Variants in ACACB observed in about 807,000 individuals in gnomAD.
ACACB encodes acetyl-CoA carboxylase beta, also known as acetyl-CoA carboxylase 2.
Under a neutral mutation model 278.8 loss-of-function variants are expected in ACACB, and 209 were observed. The observed-to-expected ratio is 0.75, with a 90% CI of 0.67 to 0.84. The LOEUF (loss-of-function observed/expected upper bound fraction) is 0.84, where lower values mean the gene tolerates loss of function less well. Ranked by LOEUF, ACACB falls within the 40% of genes least tolerant of loss-of-function variation. ACACB has a pLI of 0.00. For synonymous variants in ACACB, 1,174 were observed against 1,285.6 expected, an observed-to-expected ratio of 0.91 and a Z score of 1.86; for missense variants, 2,850 against 3,269.0, an observed-to-expected ratio of 0.87 and a Z score of 3.13.
rs200543599 is a variant in ACACB, at chr12:109,216,809, G to A, written c.3453G>A (p.Lys1151=). Residue 1151 remains lysine, a synonymous_variant, in exon 24 of 53, where the codon AAG becomes AAA. Transcript: ENST00000338432. ...EHHFQQAHYD[K]CVINLREQFK... is the part of the protein sequence containing the mutation. The stretch of plus-strand genomic sequence containing the variant: ...TGTCTCCCCCAGCCCACTACGACAA[G>A]TGTGTGATAAACCTCAGGGAGCAGT... 4 of 1,614,166 alleles carry A rather than the reference G, an allele frequency of 2.5e-6. No individual in the cohort carries two copies. In the Admixed American group the frequency reaches 5.0e-5, roughly 20 times the overall value.
intron 1 of ACACB, among the ~76,000 whole-genome samples, chr12:109,131,853 G>A (rs1273694336): frequency 5.3e-5 from 8 of 152,168 alleles, no homozygotes; most frequent in Non-Finnish European, 8.8e-5. Context: ...GGCCTTCCCT[G>A]CTCATGGAAT....
At chr12:109,193,529 T>A (rs776864639) in intron 15 of ACACB, 119 bp from the exon 16 acceptor site, 26 of 805,212 alleles carry the variant, frequency 3.2e-5, no homozygotes, top group Non-Finnish European at 5.2e-5. Context: ...AGGCTTAGCA[T>A]TTTTAGTGCA....
chr12:109,237,351 A>G lies in ACACB; in HGVS notation c.4633A>G (p.Ile1545Val). The change falls in exon 34 of 53, where the codon ATC becomes GTC. Residue 1545 changes from isoleucine (I) to valine (V), a missense_variant. Coordinates refer to ENST00000338432, the MANE Select transcript of ACACB (RefSeq NM_001093.4). The part of the protein sequence containing the change: ...VTDHRFFIRA[I>V]IRHSDLITKE... ...GGACCATAGGTTCTTCATCCGCGCC[A>G]TCATCAGGCACTCTGACCTGATCAC... The G allele has an allele frequency of 6.2e-7, 1 of 1,614,192 alleles. No individual in the cohort carries two copies. The highest frequency in any genetic ancestry group is 8.5e-7 in the Non-Finnish European group (1 of 1,180,030).
At position 109,192,024 on chromosome 12, in the gene ACACB, T is replaced by G. The variant is rs2044910836; in HGVS notation, c.2399+74T>G. ...CTTAGGAGGCTGAATCTGTCTCCTTTATTTGTGTGGCCAGTTAGTCACCAG... is the reference window on the plus strand; with the variant it reads ...CTTAGGAGGCTGAATCTGTCTCCTTGATTTGTGTGGCCAGTTAGTCACCAG... On this transcript the variant is annotated intron_variant, in intron 15 of 52. Coordinates refer to ENST00000338432, the MANE Select transcript of ACACB (RefSeq NM_001093.4). The G allele has an allele frequency of 2.7e-6, 4 of 1,473,464 alleles. No individual in the cohort carries two copies. In the East Asian group the frequency reaches 9.1e-5, roughly 34 times the overall value. The allele number at this position is 1,473,464 out of a possible 1,614,324, so 91.3% of individuals were successfully genotyped here. A position where few individuals can be genotyped will look rare whatever the true frequency, so the allele number is the denominator to read the frequency against.
In ACACB at chr12:109,240,005, G is replaced by A; in HGVS notation, c.4818+20G>A. 6.2e-7 allele frequency: 1 copy of A among 1,608,690 alleles called. No individual in the cohort carries two copies. Among genetic ancestry groups the A allele is most frequent in the Non-Finnish European group, 8.5e-7 (1 of 1,177,092 alleles). On this transcript the variant is annotated intron_variant, in intron 35 of 52. Coordinates refer to ENST00000338432, the MANE Select transcript of ACACB (RefSeq NM_001093.4). ...TTCAAGGTCTCGCCTTTGCAGGGGGGCTCTCACCGGGCTCTGGGTTCACCC... is the reference window on the plus strand; with the variant it reads ...TTCAAGGTCTCGCCTTTGCAGGGGGACTCTCACCGGGCTCTGGGTTCACCC...
intron 44 of ACACB, among the ~76,000 whole-genome samples, chr12:109,255,656 G>A (rs1209349786): frequency 6.6e-6 from 1 of 152,198 alleles, no homozygotes; most frequent in Non-Finnish European, 1.5e-5. Flanking sequence ...ACCAATGGCT[G>A]TCATTGACAT....
intron 11 of ACACB, 134 bp downstream of exon 11, chr12:109,180,221 G>C: frequency 2.3e-6 from 2 of 858,518 alleles, no homozygotes; most frequent in Non-Finnish European, 3.5e-6. Flanking sequence ...AGCACTTTGA[G>C]AAATCTGTAA....
intron 27 of ACACB, among the ~76,000 whole-genome samples, 186 bp from the exon 28 acceptor site, chr12:109,227,185 G>A (rs1010695580): frequency 6.6e-6 from 1 of 152,046 alleles, no homozygotes; most frequent in African/African-American, 2.4e-5. Flanking sequence ...TCCTGGGTTC[G>A]AGTGACCTAC....
At chr12:109,132,060 G>A (rs1490863040) in intron 1 of ACACB, among the ~76,000 whole-genome samples, 1 of 152,162 alleles carries the variant, frequency 6.6e-6, no homozygotes, top group East Asian at 1.9e-4. Flanking sequence ...TGCAGTGGTG[G>A]GACAGTGGAA....
chr12:109,171,630 G>C (rs1325647159), intron 4 of ACACB, among the ~76,000 whole-genome samples, 175 bp from the exon 5 acceptor site: 1 of 152,200 alleles, frequency 6.6e-6, no homozygotes, highest in Non-Finnish European at 1.5e-5. Context: ...GATTACAGGC[G>C]TGAGCCACCA....
intron 17 of ACACB, among the ~76,000 whole-genome samples, chr12:109,198,878 G>A (rs568794450): frequency 2.6e-5 from 4 of 151,812 alleles, no homozygotes; most frequent in South Asian, 2.1e-4. Context: ...CTCCCACCTC[G>A]GCCTCCCAAA....
At chr12:109,203,953 TA>T (rs1009055073) in intron 19 of ACACB, among the ~76,000 whole-genome samples, 34 of 150,560 alleles carry the variant, frequency 2.3e-4, no homozygotes, top group South Asian at 1.7e-3. Flanking sequence ...ATCTGTCCAG[TA>T]AAAAAAAAAT....
At chr12:109,152,875 C>T (rs1301868319) in intron 2 of ACACB, among the ~76,000 whole-genome samples, 1 of 152,084 alleles carries the variant, frequency 6.6e-6, no homozygotes, top group African/African-American at 2.4e-5. Flanking sequence ...AACTGCTGGC[C>T]TCAAGTGATC....
intron 24 of ACACB, among the ~76,000 whole-genome samples, chr12:109,220,259 T>C (rs1463273126): frequency 6.6e-6 from 1 of 152,228 alleles, no homozygotes; most frequent in African/African-American, 2.4e-5. Context: ...GATTCATTAT[T>C]CTTCTGACTT....
At chr12:109,167,870 AGCT>A (rs776355369) in intron 3 of ACACB, 23 bp from the exon 4 acceptor site, 1 of 1,613,734 alleles carries the variant, frequency 6.2e-7, no homozygotes, top group South Asian at 1.1e-5. Flanking sequence ...GTGCATCTAC[AGCT>A]CCTTCCTTGT....
At chr12:109,151,656 T>C (rs1368270416) in intron 2 of ACACB, among the ~76,000 whole-genome samples, 4 of 152,154 alleles carry the variant, frequency 2.6e-5, no homozygotes, top group African/African-American at 2.4e-5. Flanking sequence ...GCCACATGCA[T>C]GCGGATTTTC....
Position 109,214,348 on chromosome 12 carries a change from G to A in ACACB, c.3350+1412G>A, listed in dbSNP as rs551784462. 1.4e-4 allele frequency among the ~76,000 whole-genome samples: 21 copies of A among 152,268 alleles called. No homozygotes were observed. In the South Asian group the frequency reaches 4.1e-3, roughly 30 times the overall value. On this transcript the variant is annotated intron_variant, in intron 22 of 52. Transcript: ENST00000338432. ...TTTCCCATGTGCCAGAAACTCACAG[G>A]TACAAAGAATGTGAGATTGTAGAAA...
chr12:109,111,434 G>C, the ACACB span: 5 of 152,244 alleles, frequency 3.3e-5, no homozygotes, highest in Non-Finnish European at 7.3e-5. Flanking sequence ...GCTCCAGGAA[G>C]ACTCCCTGAT....
chr12:109,128,624 C>T (rs2042743138), intron 1 of ACACB, among the ~76,000 whole-genome samples: 1 of 152,142 alleles, frequency 6.6e-6, no homozygotes, highest in Non-Finnish European at 1.5e-5. Flanking sequence ...CGGGCGTGAG[C>T]CACTGCACCC....
Sources: allele counts gnomAD v4.1 joint callset (sites outside exome capture counted in the v4.1 genomes callset), GRCh38; gene constraint gnomAD v4.1.1; transcripts MANE v1.5; gene names NCBI Gene and HGNC (gene_info 2026-07-23, HGNC 2026-07-21).